Variants in AFF2 observed in about 807,000 individuals in gnomAD.
AFF2 encodes the protein ALF transcription elongation factor 2.
Under a neutral mutation model 76.9 loss-of-function variants are expected in AFF2, and 14 were observed. The ratio of observed to expected loss-of-function variants is 0.18; its 90% CI spans 0.12 to 0.28. The LOEUF (loss-of-function observed/expected upper bound fraction) is 0.28, where lower values mean the gene tolerates loss of function less well. AFF2 is among the 10% of genes least tolerant of loss of function. The pLI is 1.00. For missense variants in AFF2, 868 were observed against 1,001.1 expected, an observed-to-expected ratio of 0.87 and a Z score of 1.79; for synonymous variants, 398 against 366.7, an observed-to-expected ratio of 1.09 and a Z score of -0.98.
At chrX:148,575,577 C>T (rs2053279091) in intron 1 of AFF2, among the ~76,000 whole-genome samples, 1 of 110,821 alleles carries the variant, frequency 9.0e-6, no homozygotes, top group Non-Finnish European at 1.9e-5. Context: ...GAATCTCTCA[C>T]ATTCTTTGCT....
chrX:148,817,640 T>C (rs1024258014), intron 4 of AFF2, among the ~76,000 whole-genome samples: 1 of 112,205 alleles, frequency 8.9e-6, no homozygotes, highest in Non-Finnish European at 1.9e-5. Flanking sequence ...TTTATTTTGA[T>C]ACTAAAATCT....
intron 3 of AFF2, among the ~76,000 whole-genome samples, chrX:148,714,423 T>C (rs2055003947): frequency 8.9e-6 from 1 of 111,812 alleles, no homozygotes; most frequent in Non-Finnish European, 1.9e-5. Flanking sequence ...ATTTAGTTTA[T>C]GATGCTTATT....
chrX:148,956,360 G>A lies in AFF2; in HGVS notation c.2315G>A (p.Ser772Asn). The stretch of plus-strand genomic sequence containing the variant: ...GGCAGCAACAACAACTTATCCATCA[G>A]TAATGAAGAGCCAACATTTTCACCT... ...SSGSNNNLSI[S>N]NEEPTFSPIP... The change falls in exon 11 of 21, where the codon AGT (serine) becomes AAT (asparagine). Residue 772 changes from serine to asparagine, a missense_variant. This residue lies in a region of AFF2 where 532 missense variants were observed against 564.2 expected (regional missense o/e 0.94). Coordinates refer to ENST00000370460, the MANE Select transcript of AFF2 (RefSeq NM_002025.4). The A allele has an allele frequency of 8.3e-7, 1 of 1,211,686 alleles. No homozygotes were observed.
intron 3 of AFF2, among the ~76,000 whole-genome samples, chrX:148,697,270 T>G (rs1279148575): frequency 8.9e-6 from 1 of 112,426 alleles, no homozygotes; most frequent in Non-Finnish European, 1.9e-5. Context: ...TGGATGAAGT[T>G]ATAATATAAT....
chrX:148,520,539 T>G (rs2052583980), intron 1 of AFF2, among the ~76,000 whole-genome samples: 1 of 111,967 alleles, frequency 8.9e-6, no homozygotes, highest in Admixed American at 9.4e-5. Context: ...CTGGTTCTTC[T>G]TAACACTGGC....
chrX:148,841,987 AG>A lies in AFF2; in HGVS notation c.1174-978del. On this transcript the variant is annotated intron_variant, in intron 5 of 20. Transcript: ENST00000370460. The stretch of plus-strand genomic sequence containing the variant: ...GAAATTTCACTTTTGATTAAAGCAA[AG>A]TGTTATAGTTCTTGCTTACTTTTTA... 7.1e-5 allele frequency among the ~76,000 whole-genome samples: 8 copies of A among 112,298 alleles called. 3 individuals are homozygous for A. In the Admixed American group the frequency reaches 7.6e-4, roughly 11 times the overall value.
At chrX:148,880,946 A>T (rs1443939023) in intron 7 of AFF2, among the ~76,000 whole-genome samples, 2 of 112,133 alleles carry the variant, frequency 1.8e-5, no homozygotes, top group Non-Finnish European at 3.8e-5. Flanking sequence ...TACCTATCAG[A>T]AAAAAACATG....
intron 7 of AFF2, among the ~76,000 whole-genome samples, chrX:148,867,739 A>G (rs782210176): frequency 9.0e-6 from 1 of 111,548 alleles, no homozygotes; most frequent in South Asian, 3.8e-4. Flanking sequence ...ATACCTGTCC[A>G]TACTTGCATG....
intron 6 of AFF2, 99 bp from the exon 7 acceptor site, chrX:148,843,283 G>A: frequency 1.4e-6 from 1 of 707,407 alleles, no homozygotes; most frequent in Non-Finnish European, 2.1e-6. Context: ...TCTCAAGAAG[G>A]TAACTCGGGG....
chrX:148,709,712 A>G (rs2054939120), intron 3 of AFF2, among the ~76,000 whole-genome samples: 2 of 111,948 alleles, frequency 1.8e-5, no homozygotes, highest in Admixed American at 1.9e-4. Flanking sequence ...GGCACGGTAG[A>G]AAGGGTAGCA....
chrX:148,899,671 A>T (rs1028339919), intron 8 of AFF2, among the ~76,000 whole-genome samples: 3 of 111,983 alleles, frequency 2.7e-5, no homozygotes, highest in Admixed American at 9.5e-5. Flanking sequence ...AGGAAAATGC[A>T]TATGAAATGG....
At chrX:148,774,149 A>C (rs1340144253) in intron 3 of AFF2, among the ~76,000 whole-genome samples, 2 of 112,005 alleles carry the variant, frequency 1.8e-5, no homozygotes, top group Non-Finnish European at 3.8e-5. Context: ...TTACATGCCA[A>C]CTTTTCCCAA....
chrX:148,872,956 C>T (rs782690141), intron 7 of AFF2, among the ~76,000 whole-genome samples: 7 of 111,615 alleles, frequency 6.3e-5, no homozygotes, highest in Admixed American at 9.5e-5. Context: ...GGGAGGGGGA[C>T]ACACAAACAT....
At chrX:148,968,075 G>T (rs193087595) in intron 15 of AFF2, among the ~76,000 whole-genome samples, 1 of 111,501 alleles carries the variant, frequency 9.0e-6, no homozygotes, top group African/African-American at 3.3e-5. Context: ...GTTTAGAGCT[G>T]TCTAAATGGC....
chrX:148,973,381 G>T, intron 15 of AFF2, 90 bp from the exon 16 acceptor site: 1 of 1,097,942 alleles, frequency 9.1e-7, no homozygotes, highest in Non-Finnish European at 1.2e-6. Context: ...TGTGGGAAGG[G>T]GGCAAAACTA....
intron 3 of AFF2, among the ~76,000 whole-genome samples, chrX:148,772,719 A>G (rs1391698014): frequency 2.7e-5 from 3 of 110,745 alleles, no homozygotes; most frequent in African/African-American, 9.8e-5. Context: ...CAGTAAAGAT[A>G]TTGAAACTTA....
At position 148,585,698 on chromosome X, in the gene AFF2, G is replaced by C. The variant is rs1046307095; in HGVS notation, c.48-66301G>C. Among the ~76,000 whole-genome samples the C allele has an allele frequency of 5.5e-5, 6 of 109,697 alleles. No homozygotes were observed. The Admixed American group carries it at 5.8e-4, about 11-fold the overall frequency. The stretch of plus-strand genomic sequence containing the variant: ...ACTAAAAATACAAAAAAAATTAGCC[G>C]GGCGTGGTGGCAGGCGCCTGTATTC... On this transcript the variant is annotated intron_variant, in intron 1 of 20. Transcript: ENST00000370460.
chrX:148,861,812 A>T (rs1183938021), intron 7 of AFF2, among the ~76,000 whole-genome samples: 2 of 111,881 alleles, frequency 1.8e-5, no homozygotes, highest in African/African-American at 6.5e-5. Flanking sequence ...TACATTTTAA[A>T]TCAAATATCC....
At chrX:148,867,802 T>C (rs1039793404) in intron 7 of AFF2, among the ~76,000 whole-genome samples, 1 of 111,721 alleles carries the variant, frequency 9.0e-6, no homozygotes, top group Non-Finnish European at 1.9e-5. Flanking sequence ...CTTTGTCTTC[T>C]ATTCACTTCT....
Sources: allele counts gnomAD v4.1 joint callset (sites outside exome capture counted in the v4.1 genomes callset), GRCh38; gene constraint gnomAD v4.1.1; regional missense constraint gnomAD v4.1.1; transcripts MANE v1.5; gene names NCBI Gene and HGNC (gene_info 2026-07-23, HGNC 2026-07-21).